Variants in SLX4 observed in about 807,000 individuals in gnomAD.
The protein encoded by SLX4 is structure-specific endonuclease subunit SLX4.
Under a neutral mutation model 146.2 loss-of-function variants are expected in SLX4, and 112 were observed. That is an observed-to-expected ratio of 0.77 (90% CI 0.66 to 0.90). SLX4 has a LOEUF of 0.90. Among genes scored for constraint, SLX4 ranks in the 40% least tolerant of loss-of-function variants. SLX4 has a pLI of 0.00. For missense variants in SLX4, 2,563 were observed against 2,392.7 expected, an observed-to-expected ratio of 1.07 and a Z score of -1.49; for synonymous variants, 1,061 against 997.7, an observed-to-expected ratio of 1.06 and a Z score of -1.20.
rs1300374432 is a variant in SLX4, at chr16:3,590,226, A to C, written c.3412T>G (p.Ser1138Ala). Residue 1138 changes from serine (S) to alanine (A), a missense_variant, in exon 12 of 15, where the codon TCT becomes GCT. Coordinates refer to ENST00000294008, the MANE Select transcript of SLX4 (RefSeq NM_032444.4). This position sits in a 1 kb window ranked among gnomAD's most constrained non-coding sequence, Gnocchi z 4.8. ...TTCAGTTTGGATGAAGATTTCTGAGATCTGGAGCTCGAATGGTCAGGATTT... is the reference window on the plus strand; with the variant it reads ...TTCAGTTTGGATGAAGATTTCTGAGCTCTGGAGCTCGAATGGTCAGGATTT... ...QSNPDHSSSR[S>A]QKSSSKLNEE... is the part of the protein sequence containing the mutation. 6.2e-7 allele frequency: 1 copy of C among 1,614,058 alleles called. No homozygotes were observed. Among genetic ancestry groups the C allele is most frequent in the Non-Finnish European group, 8.5e-7 (1 of 1,180,042 alleles).
At chr16:3,601,592 C>T (rs755592097) in intron 4 of SLX4, 10 of 329,154 alleles carry the variant, frequency 3.0e-5, no homozygotes, top group Non-Finnish European at 5.8e-5. Context: ...TCATATTCCT[C>T]ATCTAAGAAT....
In SLX4 at chr16:3,609,322, C is replaced by A; in HGVS notation, c.-358G>T. ...ACTCGGGAGGCAGAGGCAAGAGAAT[C>A]GCTTGAACCTGGGAGGCGGAGATTG... On this transcript the variant is annotated 5_prime_UTR_variant, in exon 2 of 15. Transcript: ENST00000294008. 1 of 256,184 alleles carries A rather than the reference C, an allele frequency of 3.9e-6. No homozygotes were observed. Among genetic ancestry groups the A allele is most frequent in the Non-Finnish European group, 7.8e-6 (1 of 127,878 alleles). 15.9% of individuals were successfully genotyped at this position (256,184 alleles called of 1,614,324 possible). A position where few individuals can be genotyped will look rare whatever the true frequency, so the allele number is the denominator to read the frequency against.
At position 3,596,304 on chromosome 16, in the gene SLX4, G is replaced by A. The variant is rs937558782; in HGVS notation, c.1773C>T (p.Pro591=). The part of the protein sequence containing the change: ...ERRSPALHGT[P]TAGCGSRGPS... ...GGCCCCTGGAGCCACAGCCTGCAGT[G>A]GGGGTGCCGTGGAGAGCGGGTGACC... Residue 591 remains proline, a synonymous_variant, in exon 8 of 15, where the codon CCC becomes CCT. Transcript: ENST00000294008. The A allele has an allele frequency of 1.1e-5, 18 of 1,576,436 alleles. No individual in the cohort carries two copies. Among genetic ancestry groups the A allele is most frequent in the Admixed American group, 1.8e-5 (1 of 54,538 alleles).
At chr16:3,600,141 C>T (rs1419631224) in intron 5 of SLX4, among the ~76,000 whole-genome samples, 1 of 152,184 alleles carries the variant, frequency 6.6e-6, no homozygotes, top group African/African-American at 2.4e-5. Context: ...GATCATCAGG[C>T]TTTAGATTTT....
intron 13 of SLX4, among the ~76,000 whole-genome samples, chr16:3,584,085 G>A (rs552542387): frequency 8.1e-4 from 123 of 152,196 alleles, no homozygotes; most frequent in Non-Finnish European, 1.6e-3. Flanking sequence ...CCGAGTGGAA[G>A]AGCAGTGTCA....
In SLX4 at chr16:3,589,401, G is replaced by A; in HGVS notation, c.4237C>T (p.Pro1413Ser). 1 of 1,599,598 alleles carries A rather than the reference G, an allele frequency of 6.3e-7. No individual in the cohort carries two copies. The highest frequency in any genetic ancestry group is 8.5e-7 in the Non-Finnish European group (1 of 1,169,886). ...ATTGGGGGGTCACTGTCCAGTGGGG[G>A]GCTTCTGTTGGCCTGATGGGAGGCC... ...EVASHQANRSPPLDSDPPIPI... is the reference protein window; with the variant it reads ...EVASHQANRSSPLDSDPPIPI... The change falls in exon 12 of 15, where the codon CCC becomes TCC. Residue 1413 changes from proline to serine, a missense_variant. Coordinates refer to ENST00000294008, the MANE Select transcript of SLX4 (RefSeq NM_032444.4). This position sits in a 1 kb window ranked among gnomAD's most constrained non-coding sequence, Gnocchi z 6.2.
At chr16:3,582,958 C>A in intron 14 of SLX4, 139 bp downstream of exon 14, 1 of 1,155,150 alleles carries the variant, frequency 8.7e-7, no homozygotes, top group Middle Eastern at 2.3e-4. Flanking sequence ...CTAAACCCAC[C>A]TGGTTTTCCC....
At position 3,606,538 on chromosome 16, in the gene SLX4, G is replaced by T. The variant is rs147387334; in HGVS notation, c.696C>A (p.Ser232=). The change falls in exon 3 of 15, where the codon TCC becomes TCA. Residue 232 remains serine (S), a synonymous_variant. Coordinates refer to ENST00000294008, the MANE Select transcript of SLX4 (RefSeq NM_032444.4). ...CATTTTCTTCCCGCGCAGCCTCGAGGGAGCACTCTTCTGAAGCGTGTCTCA... is the reference window on the plus strand; with the variant it reads ...CATTTTCTTCCCGCGCAGCCTCGAGTGAGCACTCTTCTGAAGCGTGTCTCA... The part of the protein sequence containing the change: ...ERLRHASEEC[S]LEAAREENVP... 14 of 1,614,166 alleles carry T rather than the reference G, an allele frequency of 8.7e-6. No homozygotes were observed. The highest frequency in any genetic ancestry group is 1.2e-5 in the Non-Finnish European group (14 of 1,180,038).
At chr16:3,591,639 A>G (rs1567171260) in intron 11 of SLX4, among the ~76,000 whole-genome samples, 1 of 152,188 alleles carries the variant, frequency 6.6e-6, no homozygotes, top group African/African-American at 2.4e-5. Context: ...CTCTTAAGAT[A>G]TGGTGTCAGA....
chr16:3,600,065 T>C (rs1446367255), intron 5 of SLX4, among the ~76,000 whole-genome samples: 1 of 152,232 alleles, frequency 6.6e-6, no homozygotes, highest in Non-Finnish European at 1.5e-5. Flanking sequence ...ACTGGTTTCA[T>C]GGAAGACAAT....
chr16:3,582,745 G>A, intron 14 of SLX4, 52 bp from the exon 15 acceptor site: 1 of 1,494,898 alleles, frequency 6.7e-7, no homozygotes, highest in East Asian at 2.3e-5. Context: ...TCCAGCCCCT[G>A]AGACCATGAG....
chr16:3,589,687 C>T lies in SLX4; in HGVS notation c.3951G>A (p.Pro1317=), dbSNP rs147600630. Residue 1317 remains proline, a synonymous_variant, in exon 12 of 15, where the codon CCG becomes CCA. Coordinates refer to ENST00000294008, the MANE Select transcript of SLX4 (RefSeq NM_032444.4). This position sits in a 1 kb window ranked among gnomAD's most constrained non-coding sequence, Gnocchi z 6.2. Reference sequence around the variant, plus strand: ...TGAGGCATGAGGACGGTGTCTGGGGCGGTGGTGTCTGGGGCCTGATGACAG... The same window carrying T: ...TGAGGCATGAGGACGGTGTCTGGGGTGGTGGTGTCTGGGGCCTGATGACAG... ...KFSVIRPQTP[P]PQTPSSCLTP... is the part of the protein sequence containing the mutation. 18 of 1,613,832 alleles carry T rather than the reference C, an allele frequency of 1.1e-5. No homozygotes were observed. The highest frequency in any genetic ancestry group is 8.0e-5 in the African/African-American group (6 of 75,014).
intron 3 of SLX4, among the ~76,000 whole-genome samples, chr16:3,604,023 A>G (rs936322107): frequency 6.6e-6 from 1 of 152,150 alleles, no homozygotes; most frequent in African/African-American, 2.4e-5. Context: ...TGAGCTCAGG[A>G]GTTCAAGACC....
intron 13 of SLX4, among the ~76,000 whole-genome samples, chr16:3,583,947 C>A (rs1596516122): frequency 6.6e-6 from 1 of 152,078 alleles, no homozygotes; most frequent in East Asian, 1.9e-4. Flanking sequence ...TACAGTGAGC[C>A]AAGATCACAT....
rs1374316194 is a variant in SLX4 at position 3,590,219 on chromosome 16, T to G, written c.3419A>C (p.Lys1140Thr). 4 of 1,614,054 alleles carry G rather than the reference T, an allele frequency of 2.5e-6. No homozygotes were observed. Among genetic ancestry groups the G allele is most frequent in the Non-Finnish European group, 3.4e-6 (4 of 1,180,040 alleles). ...NPDHSSSRSQ[K>T]SSSKLNEEDE... ...TTCTTCGTTCAGTTTGGATGAAGAT[T>G]TCTGAGATCTGGAGCTCGAATGGTC... The change falls in exon 12 of 15, where the codon AAA becomes ACA. Residue 1140 changes from lysine to threonine, a missense_variant. Physicochemically the swap from Lys to Thr is moderately conservative, Grantham distance 78. Coordinates refer to ENST00000294008, the MANE Select transcript of SLX4 (RefSeq NM_032444.4). This position sits in a 1 kb window ranked among gnomAD's most constrained non-coding sequence, Gnocchi z 4.8.
At position 3,591,249 on chromosome 16, in the gene SLX4, CCT is replaced by C. The variant is rs1567171057; in HGVS notation, c.2387_2388del (p.Glu796GlyfsTer30). 4 of 1,613,322 alleles carry C rather than the reference CCT, an allele frequency of 2.5e-6. No individual in the cohort carries two copies. In the South Asian group the frequency reaches 3.3e-5, roughly 13 times the overall value. On this transcript the variant is annotated frameshift_variant, in exon 12 of 15. Coordinates refer to ENST00000294008, the MANE Select transcript of SLX4 (RefSeq NM_032444.4). LOFTEE classifies it high-confidence loss of function. ...GCTTCCTTCTCCTCCCATGGTTTGCCCTCTGAGTCAGTGGCAATAGGCACCTG... is the reference window on the plus strand; with the variant it reads ...GCTTCCTTCTCCTCCCATGGTTTGCCCTGAGTCAGTGGCAATAGGCACCTG... ...CEQVPIATDS[E>X]GKPWEEKEAE...
At position 3,591,231 on chromosome 16, in the gene SLX4, TCTC is replaced by T. The variant is rs2151125964; in HGVS notation, c.2404_2406del (p.Glu802del). The T allele has an allele frequency of 5.0e-6, 8 of 1,613,700 alleles. No homozygotes were observed. The East Asian group carries it at 1.6e-4, about 31-fold the overall frequency. ...CTGCTTTCGCAATTCTCTGCTTCCTTCTCCTCCCATGGTTTGCCCTCTGAGTCA... is the reference window on the plus strand; with the variant it reads ...CTGCTTTCGCAATTCTCTGCTTCCTTCTCCCATGGTTTGCCCTCTGAGTCA... On this transcript the variant is annotated inframe_deletion, in exon 12 of 15. Transcript: ENST00000294008.
At position 3,592,790 on chromosome 16, in the gene SLX4, C is replaced by T. The variant is rs758785487; in HGVS notation, c.2236G>A (p.Glu746Lys). Reference protein sequence around the residue: ...QRVLLGDVSTEAARTFLHYLY... With the variant: ...QRVLLGDVSTKAARTFLHYLY... ...TAGTGCAGGAACGTGCGGGCGGCCT[C>T]GGTGCTCACGTCACCCAGCAGGACA... The change falls in exon 11 of 15, where the codon GAG becomes AAG. Residue 746 changes from glutamate (E) to lysine (K), a missense_variant. Coordinates refer to ENST00000294008, the MANE Select transcript of SLX4 (RefSeq NM_032444.4). The T allele has an allele frequency of 1.7e-5, 27 of 1,612,464 alleles. No individual in the cohort carries two copies. Among genetic ancestry groups the T allele is most frequent in the East Asian group, 6.7e-5 (3 of 44,874 alleles).
Position 3,589,987 on chromosome 16 carries a change from C to T in SLX4, c.3651G>A (p.Glu1217=). ...GATTCTCCGGCAGCGCCCCCTCATC[C>T]TCCTGCTGCAGCACAGCTTCGCTTC... ...PPRSEAVLQQ[E]DEGALPENRG... is the part of the protein sequence containing the mutation. The change falls in exon 12 of 15, where the codon GAG becomes GAA. Residue 1217 remains glutamate, a synonymous_variant. Transcript: ENST00000294008. The surrounding 1 kb of genome is among the most constrained non-coding windows in gnomAD (Gnocchi z 6.2). 6.2e-7 allele frequency: 1 copy of T among 1,614,062 alleles called. No homozygotes were observed. Among genetic ancestry groups the T allele is most frequent in the Admixed American group, 1.7e-5 (1 of 60,012 alleles).
Sources: allele counts gnomAD v4.1 joint callset (sites outside exome capture counted in the v4.1 genomes callset), GRCh38; gene constraint gnomAD v4.1.1; non-coding constraint Gnocchi (gnomAD v3.1); transcripts MANE v1.5; gene names NCBI Gene and HGNC (gene_info 2026-07-23, HGNC 2026-07-21).